SHF: variants seen among roughly 807,000 people sequenced by gnomAD.
The protein encoded by SHF is SH2 domain-containing adapter protein F.
Under a neutral mutation model 42.4 loss-of-function variants are expected in SHF, and 30 were observed. The ratio of observed to expected loss-of-function variants is 0.71; its 90% confidence interval spans 0.53 to 0.96. SHF has a LOEUF of 0.96. SHF is among the 40% of genes least tolerant of loss of function. The pLI, the probability that SHF is intolerant of heterozygous loss-of-function variation, is 0.00. For missense variants in SHF, 598 were observed against 634.0 expected, an observed-to-expected ratio of 0.94 and a Z score of 0.61; for synonymous variants, 264 against 269.9, an observed-to-expected ratio of 0.98 and a Z score of 0.21.
upstream of SHF, among the ~76,000 whole-genome samples, chr15:45,191,564 C>G (rs1567041765): frequency 6.6e-6 from 1 of 152,194 alleles, no homozygotes; most frequent in Non-Finnish European, 1.5e-5. Flanking sequence ...GCTCCCATCA[C>G]CAAGTGCAGA....
chr15:45,173,739 G>A, intron 3 of SHF, 23 bp from the exon 4 acceptor site: 2 of 1,551,482 alleles, frequency 1.3e-6, no homozygotes, highest in South Asian at 2.4e-5. Context: ...GCAGAAGTGA[G>A]AAGAGAGACA....
rs1368311384 is a variant in SHF at position 45,187,771 on chromosome 15, C to A, written c.181G>T (p.Gly61Cys). The A allele has an allele frequency of 3.3e-6, 3 of 908,136 alleles. No individual in the cohort carries two copies. Among genetic ancestry groups the A allele is most frequent in the Admixed American group, 4.5e-5 (1 of 22,122 alleles). The allele number at this position is 908,136 out of a possible 1,614,324, so 56.3% of individuals were successfully genotyped here. ...LREHLGFRGG[G>C]GGGGGSKPAP... Reference sequence around the variant, plus strand: ...GGCTTGCTGCCCCCTCCGCCGCCGCCCCCCCCGCGGAAGCCCAGGTGCTCC... The same window carrying A: ...GGCTTGCTGCCCCCTCCGCCGCCGCACCCCCCGCGGAAGCCCAGGTGCTCC... The change falls in exon 1 of 7, where the codon GGC (glycine) becomes TGC (cysteine). Residue 61 changes from glycine (G) to cysteine (C), a missense_variant. By Grantham distance (159) the Gly-to-Cys change is radical. Coordinates refer to ENST00000690270, the MANE Select transcript of SHF (RefSeq NM_001394037.1).
chr15:45,167,812 G>A lies in SHF; in HGVS notation c.*135C>T, dbSNP rs1339338386. The A allele has an allele frequency of 4.8e-6, 4 of 833,662 alleles. No individual in the cohort carries two copies. Among genetic ancestry groups the A allele is most frequent in the Admixed American group, 3.8e-5 (1 of 26,182 alleles). The allele number at this position is 833,662 out of a possible 1,614,324, so 51.6% of individuals were successfully genotyped here. ...GCCCTTTCCCTTTAGAATAAATTAA[G>A]GAATCTCCAGCTTCTACTGGATCCC... On this transcript the variant is annotated 3_prime_UTR_variant, in exon 7 of 7. Coordinates refer to ENST00000690270, the MANE Select transcript of SHF (RefSeq NM_001394037.1).
In SHF at chr15:45,167,992, G is replaced by T. The variant is rs1442280331; in HGVS notation, c.1422C>A (p.Ala474=). The T allele has an allele frequency of 1.9e-6, 3 of 1,612,976 alleles. No homozygotes were observed. Among genetic ancestry groups the T allele is most frequent in the Non-Finnish European group, 2.5e-6 (3 of 1,179,434 alleles). Residue 474 remains alanine, a synonymous_variant, in exon 7 of 7, where the codon GCC becomes GCA. Coordinates refer to ENST00000690270, the MANE Select transcript of SHF (RefSeq NM_001394037.1). ...CAGGGTAGAGCAGGGACATGTGTTCGGCTCCCTTAATGGGTAGCTTGCGGC... is the reference window on the plus strand; with the variant it reads ...CAGGGTAGAGCAGGGACATGTGTTCTGCTCCCTTAATGGGTAGCTTGCGGC... The part of the protein sequence containing the change: ...YASRKLPIKG[A]EHMSLLYPVA...
At position 45,173,575 on chromosome 15, in the gene SHF, C is replaced by T; in HGVS notation, c.988+1G>A. The T allele has an allele frequency of 6.6e-7, 1 of 1,514,902 alleles. No homozygotes were observed. Among genetic ancestry groups the T allele is most frequent in the Non-Finnish European group, 8.8e-7 (1 of 1,130,250 alleles). The allele number at this position is 1,514,902 out of a possible 1,614,324, so 93.8% of individuals were successfully genotyped here. A position where few individuals can be genotyped will look rare whatever the true frequency, so the allele number is the denominator to read the frequency against. ...CTGGCCAGAAGCCCCCCAGGACCCA[C>T]CGCTGCTGTCCTCCAGGCTGGGCTC... On this transcript the variant is annotated splice_donor_variant, in intron 4 of 6. Transcript: ENST00000690270. LOFTEE classifies it high-confidence loss of function.
upstream of SHF, chr15:45,188,084 G>T: frequency 2.9e-6 from 1 of 344,336 alleles, no homozygotes; most frequent in Non-Finnish European, 4.8e-6. Context: ...GCGGGGCTCC[G>T]CTCCCTAACA....
exon 1 of SHF, chr15:45,200,797 C>T (rs1280171188): frequency 1.3e-5 from 6 of 456,132 alleles, no homozygotes; most frequent in Admixed American, 2.3e-5. Context: ...TTAAGAGCTC[C>T]AGTCCCAGCC....
At chr15:45,172,698 A>G (rs1003355244) in intron 4 of SHF, among the ~76,000 whole-genome samples, 1 of 152,206 alleles carries the variant, frequency 6.6e-6, no homozygotes, top group Admixed American at 6.5e-5. Context: ...CTCAGAGTTC[A>G]TTACCGTTCT....
At chr15:45,188,067 G>T, upstream of SHF, 1 of 376,936 alleles carries the variant, frequency 2.7e-6, no homozygotes, top group African/African-American at 2.2e-5. Flanking sequence ...TCAGTAACAA[G>T]GGAGAGGCGG....
Position 45,167,718 on chromosome 15 carries a change from G to T in SHF, c.*229C>A. 2.6e-6 allele frequency: 1 copy of T among 384,382 alleles called. No individual in the cohort carries two copies. Among genetic ancestry groups the T allele is most frequent in the East Asian group, 4.0e-5 (1 of 25,256 alleles). The allele number at this position is 384,382 out of a possible 1,614,324, so 23.8% of individuals were successfully genotyped here. A position where few individuals can be genotyped will look rare whatever the true frequency, so the allele number is the denominator to read the frequency against. ...GCTCTGGAACCCCCTTCCTCCAGGG[G>T]CTATCCTTTCTCTCCAGGGATTCCT... On this transcript the variant is annotated 3_prime_UTR_variant, in exon 7 of 7. Coordinates refer to ENST00000690270, the MANE Select transcript of SHF (RefSeq NM_001394037.1).
At chr15:45,171,665 A>C (rs1230805581) in intron 6 of SHF, 1 of 596,328 alleles carries the variant, frequency 1.7e-6, no homozygotes, top group East Asian at 2.8e-5. Flanking sequence ...CTAGAACAGA[A>C]CCCTTCTGAG....
At chr15:45,174,043 G>C (rs1897665566) in intron 3 of SHF, among the ~76,000 whole-genome samples, 2 of 152,156 alleles carry the variant, frequency 1.3e-5, no homozygotes, top group African/African-American at 4.8e-5. Flanking sequence ...AGGAACAAAG[G>C]AAATGAAGGA....
chr15:45,172,406 C>T (rs1391157718), intron 4 of SHF, 88 bp from the exon 5 acceptor site: 3 of 1,344,164 alleles, frequency 2.2e-6, no homozygotes, highest in East Asian at 2.5e-5. Context: ...ACCCCTACTT[C>T]TTCCAGCCCC....
Position 45,177,836 on chromosome 15 carries a change from T to C in SHF, c.640+329A>G, listed in dbSNP as rs536341522. On this transcript the variant is annotated intron_variant, in intron 2 of 6. Coordinates refer to ENST00000690270, the MANE Select transcript of SHF (RefSeq NM_001394037.1). Reference sequence around the variant, plus strand: ...CTCCAACTGCCATGAAGATGTTTCATTTCAAACTCATCCCCCCTCCCAAGG... The same window carrying C: ...CTCCAACTGCCATGAAGATGTTTCACTTCAAACTCATCCCCCCTCCCAAGG... Among the ~76,000 whole-genome samples, 296 of 152,294 alleles carry C rather than the reference T, an allele frequency of 1.9e-3. 2 individuals are homozygous for C. Among genetic ancestry groups the C allele is most frequent in the African/African-American group, 6.8e-3 (282 of 41,562 alleles).
At chr15:45,175,559 C>A in intron 2 of SHF, 134 bp from the exon 3 acceptor site, 1 of 855,194 alleles carries the variant, frequency 1.2e-6, no homozygotes, top group Non-Finnish European at 1.8e-6. Context: ...AGCTCAGCAA[C>A]CACACATCCT....
chr15:45,184,630 A>C (rs1223980332), intron 1 of SHF, among the ~76,000 whole-genome samples: 2 of 152,224 alleles, frequency 1.3e-5, no homozygotes, highest in African/African-American at 4.8e-5. Flanking sequence ...GGCAGCTGAG[A>C]GCTTTGTCCA....
At chr15:45,186,368 G>T (rs1463282360) in intron 1 of SHF, among the ~76,000 whole-genome samples, 3 of 152,220 alleles carry the variant, frequency 2.0e-5, no homozygotes, top group Non-Finnish European at 4.4e-5. Context: ...TGGAGCCAAC[G>T]GATTCGGAAA....
At chr15:45,190,860 T>C (rs912767162), upstream of SHF, among the ~76,000 whole-genome samples, 1 of 152,156 alleles carries the variant, frequency 6.6e-6, no homozygotes, top group African/African-American at 2.4e-5. Flanking sequence ...TTATAAAAAC[T>C]TGTGTGCACC....
intron 1 of SHF, among the ~76,000 whole-genome samples, chr15:45,184,746 C>G (rs936933924): frequency 2.0e-5 from 3 of 152,272 alleles, no homozygotes; most frequent in African/African-American, 7.2e-5. Flanking sequence ...CTCTCTAGCC[C>G]CCACTGCCAG....
Sources: gnomAD v4.1 joint callset for allele counts (sites outside exome capture counted in the v4.1 genomes callset) on GRCh38, gnomAD v4.1.1 for gene constraint, MANE v1.5 for transcripts, NCBI Gene and HGNC (gene_info 2026-07-23, HGNC 2026-07-21) for gene names.